ZWILCH: variants seen among roughly 807,000 people sequenced by gnomAD.
ZWILCH encodes zwilch kinetochore protein.
ZWILCH carries 74 observed loss-of-function variants against 79.9 expected under a neutral mutation model. That is an observed-to-expected ratio of 0.93 (90% CI 0.77 to 1.12). The LOEUF (loss-of-function observed/expected upper bound fraction) is 1.12, where lower values mean the gene tolerates loss of function less well. Ranked by LOEUF, ZWILCH falls within the 50% of genes most tolerant of loss-of-function variation. ZWILCH has a pLI of 0.00. For synonymous variants in ZWILCH, 241 were observed against 228.2 expected, an observed-to-expected ratio of 1.06 and a Z score of -0.51; for missense variants, 694 against 687.5, an observed-to-expected ratio of 1.01 and a Z score of -0.11.
intron 14 of ZWILCH, among the ~76,000 whole-genome samples, chr15:66,535,042 CTTT>C: frequency 6.7e-6 from 1 of 148,614 alleles, no homozygotes; most frequent in East Asian, 2.0e-4. Flanking sequence ...CTATTTTTAA[CTTT>C]TTTTTTTGTT....
chr15:66,524,779 T>C (rs1249698194), intron 8 of ZWILCH, among the ~76,000 whole-genome samples: 1 of 152,242 alleles, frequency 6.6e-6, no homozygotes, highest in African/African-American at 2.4e-5. Flanking sequence ...ATTATTTCTC[T>C]GTTTGTATAA....
chr15:66,508,849 A>G lies in ZWILCH; in HGVS notation c.62A>G (p.Asn21Ser). 6.2e-7 allele frequency: 1 copy of G among 1,614,110 alleles called. No individual in the cohort carries two copies. Among genetic ancestry groups the G allele is most frequent in the South Asian group, 1.1e-5 (1 of 91,066 alleles). Residue 21 changes from asparagine to serine, a missense_variant, in exon 2 of 19, where the codon AAT (asparagine) becomes AGT (serine). Coordinates refer to ENST00000307897, the MANE Select transcript of ZWILCH (RefSeq NM_017975.5). ...GTGGTTCTGCGTTTCAGGAAATTTA[A>G]TGAAGAAAAGAAAGGAATCCGTAAA... is the stretch of plus-strand genomic sequence containing the variant. ...DFYSRLLQKF[N>S]EEKKGIRKDP...
chr15:66,505,562 C>T (rs530153193), intron 1 of ZWILCH, 171 bp downstream of exon 1: 2 of 678,198 alleles, frequency 2.9e-6, no homozygotes, highest in Non-Finnish European at 2.5e-6. Context: ...TGGGGTTGAC[C>T]GTGTGGGAGC....
chr15:66,516,947 C>A (rs929019697), intron 4 of ZWILCH, among the ~76,000 whole-genome samples: 3 of 152,202 alleles, frequency 2.0e-5, no homozygotes, highest in African/African-American at 4.8e-5. Context: ...TTGATTCATG[C>A]GCTTATTTCT....
chr15:66,520,695 C>G, intron 6 of ZWILCH, 35 bp downstream of exon 6: 1 of 1,384,530 alleles, frequency 7.2e-7, no homozygotes, highest in Non-Finnish European at 1.0e-6. Context: ...TTATTTTCTT[C>G]AAATTGTTGT....
At chr15:66,530,360 G>T (rs113809483) in intron 12 of ZWILCH, among the ~76,000 whole-genome samples, 1 of 152,160 alleles carries the variant, frequency 6.6e-6, no homozygotes, top group African/African-American at 2.4e-5. Flanking sequence ...TTCCAGTCAG[G>T]CGTGGTGACT....
At chr15:66,541,554 ATGGTTGAAATAAGGGTTGAGAT>A (rs1490262963) in intron 17 of ZWILCH, among the ~76,000 whole-genome samples, 1 of 152,120 alleles carries the variant, frequency 6.6e-6, no homozygotes, top group Non-Finnish European at 1.5e-5. Context: ...TGTCTTCTCC[ATGGTTGAAATAAGGGTTGAGAT>A]TGCTAGTATT....
In ZWILCH at chr15:66,505,406, T is replaced by C. The variant is rs1893773450; in HGVS notation, c.53+15T>C. The C allele has an allele frequency of 1.2e-6, 2 of 1,613,720 alleles. No individual in the cohort carries two copies. The highest frequency in any genetic ancestry group is 1.7e-5 in the Admixed American group (1 of 59,968). On this transcript the variant is annotated intron_variant, in intron 1 of 18. Transcript: ENST00000307897. The stretch of plus-strand genomic sequence containing the variant: ...CGTCTCCTTCAGTGAGTCTAGTCTC[T>C]TCTTTTGGCTGGGGTCCTGGGACAG...
At chr15:66,522,457 C>T (rs182931936) in intron 7 of ZWILCH, among the ~76,000 whole-genome samples, 49 of 151,612 alleles carry the variant, frequency 3.2e-4, no homozygotes, top group Admixed American at 4.6e-4. Context: ...CCTGCCTCAG[C>T]CTCCCAAGTA....
chr15:66,511,613 T>G (rs1376299861), intron 2 of ZWILCH, among the ~76,000 whole-genome samples: 2 of 152,014 alleles, frequency 1.3e-5, no homozygotes, highest in Non-Finnish European at 2.9e-5. Flanking sequence ...ATGAAAATGC[T>G]TTTTTTCTTT....
Position 66,548,592 on chromosome 15 carries a change from A to C in ZWILCH, c.*268A>C. 1.9e-6 allele frequency: 3 copies of C among 1,596,706 alleles called. No homozygotes were observed. The highest frequency in any genetic ancestry group is 2.6e-6 in the Non-Finnish European group (3 of 1,164,202). ...CGATCTCCGTAACCATTTGCATGTG[A>C]CTTAGCAAGGGCTCTGAAATGACAA... On this transcript the variant is annotated 3_prime_UTR_variant, in exon 19 of 19. Coordinates refer to ENST00000307897, the MANE Select transcript of ZWILCH (RefSeq NM_017975.5).
At chr15:66,546,558 G>C in intron 17 of ZWILCH, 33 bp from the exon 18 acceptor site, 1 of 1,497,614 alleles carries the variant, frequency 6.7e-7, no homozygotes, top group Non-Finnish European at 9.2e-7. Context: ...AGGGTGTTAA[G>C]CAATTCTGAT....
intron 17 of ZWILCH, among the ~76,000 whole-genome samples, chr15:66,544,724 T>TTTTTTTTTTG (rs145952622): frequency 2.0e-4 from 26 of 128,542 alleles, no homozygotes; most frequent in South Asian, 1.6e-3. Flanking sequence ...TTTTTGGTTT[T>TTTTTTTTTTG]TGTGTGTGTG....
At position 66,548,687 on chromosome 15, in the gene ZWILCH, T is replaced by G; in HGVS notation, c.*363T>G. On this transcript the variant is annotated 3_prime_UTR_variant, in exon 19 of 19. Coordinates refer to ENST00000307897, the MANE Select transcript of ZWILCH (RefSeq NM_017975.5). ...ACAGCTTTATCCCAAAAGCTTTAAC[T>G]GTATTGGGAAAACTTAAAAAATAGC... is the stretch of plus-strand genomic sequence containing the variant. 1 of 619,720 alleles carries G rather than the reference T, an allele frequency of 1.6e-6. No individual in the cohort carries two copies. Among genetic ancestry groups the G allele is most frequent in the Admixed American group, 2.6e-5 (1 of 38,200 alleles). 38.4% of individuals were successfully genotyped at this position (619,720 alleles called of 1,614,324 possible).
chr15:66,539,862 T>G (rs1895137992), intron 16 of ZWILCH, among the ~76,000 whole-genome samples: 1 of 152,168 alleles, frequency 6.6e-6, no homozygotes, highest in South Asian at 2.1e-4. Context: ...TCTCTTCAGT[T>G]TTCCCCTAAC....
intron 17 of ZWILCH, among the ~76,000 whole-genome samples, chr15:66,543,827 C>G (rs544903763): frequency 3.5e-4 from 53 of 152,080 alleles, no homozygotes; most frequent in Non-Finnish European, 6.3e-4. Flanking sequence ...GCTGGGACAT[C>G]AGTAATTTGT....
chr15:66,539,145 CCAAAA>C (rs1264754760), intron 16 of ZWILCH, among the ~76,000 whole-genome samples: 1 of 152,010 alleles, frequency 6.6e-6, no homozygotes, highest in Non-Finnish European at 1.5e-5. Context: ...TATCTAATGG[CCAAAA>C]CAAAAACGTA....
chr15:66,523,520 G>A (rs1266754420), intron 7 of ZWILCH, 157 bp from the exon 8 acceptor site: 2 of 573,646 alleles, frequency 3.5e-6, no homozygotes, highest in East Asian at 2.6e-5. Context: ...TGAGTAAGAT[G>A]TTCTAAATGA....
rs1555426547 is a variant in ZWILCH at position 66,544,724 on chromosome 15, T to TTGTG, written c.1688-1835_1688-1832dup. ...TGTTTTTTTGTTGTTTTTTTGGTTT[T>TTGTG]TGTGTGTGTGTGTGTGTGTGTGTGT... On this transcript the variant is annotated intron_variant, in intron 17 of 18. Transcript: ENST00000307897. 1.3e-3 allele frequency among the ~76,000 whole-genome samples: 165 copies of TTGTG among 128,538 alleles called. 2 individuals carry two copies. Among genetic ancestry groups the TTGTG allele is most frequent in the East Asian group, 7.1e-3 (29 of 4,062 alleles). The allele number at this position is 128,538 out of a possible 152,430, so 84.3% of individuals were successfully genotyped here.
Sources: allele counts gnomAD v4.1 joint callset (sites outside exome capture counted in the v4.1 genomes callset), GRCh38; gene constraint gnomAD v4.1.1; transcripts MANE v1.5; gene names NCBI Gene and HGNC (gene_info 2026-07-23, HGNC 2026-07-21).